The following CMSS1 variants were observed in gnomAD, a reference collection of about 807,000 sequenced individuals.
CMSS1 encodes cms1 ribosomal small subunit homolog.
In CMSS1, 33 loss-of-function variants were observed where a neutral mutation model predicts 43.5. That is an observed-to-expected ratio of 0.76 (90% CI 0.57 to 1.01). The LOEUF (loss-of-function observed/expected upper bound fraction) is 1.01, where lower values mean the gene tolerates loss of function less well. Among genes scored for constraint, CMSS1 ranks in the 50% least tolerant of loss-of-function variants. The probability of loss-of-function intolerance (pLI) is 0.00; values close to 1 mark genes in which losing one functional copy is unlikely to be tolerated. For synonymous variants in CMSS1, 115 were observed against 117.2 expected, an observed-to-expected ratio of 0.98 and a Z score of 0.12; for missense variants, 313 against 326.4, an observed-to-expected ratio of 0.96 and a Z score of 0.32.
intron 1 of CMSS1, among the ~76,000 whole-genome samples, chr3:100,092,173 T>G (rs1038524327): frequency 2.0e-5 from 3 of 152,240 alleles, no homozygotes; most frequent in Non-Finnish European, 4.4e-5. Context: ...TTATCATGGC[T>G]TTCAAAGTTT....
chr3:100,005,059 G>A (rs1029652357), intron 1 of CMSS1, among the ~76,000 whole-genome samples: 6 of 152,172 alleles, frequency 3.9e-5, no homozygotes, highest in South Asian at 4.1e-4. Context: ...GCAGCAGGAC[G>A]TAACCAGAAA....
At chr3:100,149,777 A>T (rs2066887707) in intron 2 of CMSS1, among the ~76,000 whole-genome samples, 1 of 152,004 alleles carries the variant, frequency 6.6e-6, no homozygotes, top group Admixed American at 6.5e-5. Flanking sequence ...CTTAATTGGC[A>T]CTCATTATTT....
intron 1 of CMSS1, among the ~76,000 whole-genome samples, chr3:100,024,136 T>C (rs2064876635): frequency 6.6e-6 from 1 of 152,174 alleles, no homozygotes; most frequent in Non-Finnish European, 1.5e-5. Context: ...GAAAGGTCTT[T>C]CAGTGTCATG....
chr3:100,119,590 G>C (rs1321130781), intron 1 of CMSS1, among the ~76,000 whole-genome samples: 2 of 152,210 alleles, frequency 1.3e-5, no homozygotes, highest in African/African-American at 4.8e-5. Flanking sequence ...TAGAATTGAT[G>C]CATCTTTGAA....
chr3:100,144,333 C>T (rs1016377337), intron 1 of CMSS1, among the ~76,000 whole-genome samples: 10 of 152,316 alleles, frequency 6.6e-5, no homozygotes, highest in Non-Finnish European at 1.0e-4. Flanking sequence ...TAACTGTCCA[C>T]TAGGCTTCCT....
chr3:100,081,539 C>G (rs1322715267), intron 1 of CMSS1, among the ~76,000 whole-genome samples: 1 of 152,144 alleles, frequency 6.6e-6, no homozygotes, highest in Non-Finnish European at 1.5e-5. Context: ...GGATTAACGA[C>G]TCATGAAGAT....
intron 1 of CMSS1, among the ~76,000 whole-genome samples, chr3:99,852,484 T>C (rs1406526047): frequency 6.6e-6 from 1 of 152,180 alleles, no homozygotes; most frequent in Non-Finnish European, 1.5e-5. Context: ...TCTCACTCTG[T>C]CGCCAGGCTG....
At chr3:99,821,076 G>T (rs1473339345) in intron 1 of CMSS1, among the ~76,000 whole-genome samples, 1 of 152,114 alleles carries the variant, frequency 6.6e-6, no homozygotes, top group Non-Finnish European at 1.5e-5. Flanking sequence ...TCTGTTTGTT[G>T]TCTGTCTAAG....
intron 1 of CMSS1, among the ~76,000 whole-genome samples, chr3:99,818,283 T>G (rs551482912): frequency 6.6e-6 from 1 of 152,364 alleles, no homozygotes; most frequent in South Asian, 2.1e-4. Flanking sequence ...AAGCTTTCTC[T>G]TTTCCTTATT....
Position 100,119,192 on chromosome 3 carries a change from A to G in CMSS1, c.65-27781A>G, listed in dbSNP as rs1345137155. On this transcript the variant is annotated intron_variant, in intron 1 of 9. Transcript: ENST00000421999. ...GCACATGTCTGCAAGGTGTTGACAG[A>G]TATATATTGCTAATTCTAGAAAATA... Among the ~76,000 whole-genome samples, 4 of 151,888 alleles carry G rather than the reference A, an allele frequency of 2.6e-5. No individual in the cohort carries two copies. In the Admixed American group the frequency reaches 2.6e-4, roughly 10 times the overall value.
intron 1 of CMSS1, among the ~76,000 whole-genome samples, chr3:99,835,925 A>G (rs1942877946): frequency 6.6e-6 from 1 of 152,192 alleles, no homozygotes; most frequent in African/African-American, 2.4e-5. Context: ...TACAAACAGC[A>G]TGATCAAAGG....
chr3:100,120,774 G>A (rs1275287910), intron 1 of CMSS1, among the ~76,000 whole-genome samples: 3 of 151,700 alleles, frequency 2.0e-5, no homozygotes, highest in Admixed American at 6.6e-5. Flanking sequence ...CACGGGGTGG[G>A]GGTGGGGATG....
At chr3:99,819,098 A>G (rs1317016856) in intron 1 of CMSS1, among the ~76,000 whole-genome samples, 3 of 152,274 alleles carry the variant, frequency 2.0e-5, no homozygotes, top group African/African-American at 7.2e-5. Context: ...TGAAATATCC[A>G]TTAAAAATAA....
intron 1 of CMSS1, among the ~76,000 whole-genome samples, chr3:99,997,829 T>G (rs959980170): frequency 3.9e-5 from 6 of 152,204 alleles, no homozygotes; most frequent in Non-Finnish European, 8.8e-5. Flanking sequence ...ATCTGGCAAT[T>G]TAACACATAA....
At chr3:99,887,235 C>G (rs1705930635) in intron 1 of CMSS1, among the ~76,000 whole-genome samples, 1 of 151,856 alleles carries the variant, frequency 6.6e-6, no homozygotes, top group African/African-American at 2.4e-5. Context: ...CCATTGCACT[C>G]CAGTCTGGGC....
intron 1 of CMSS1, among the ~76,000 whole-genome samples, chr3:100,047,331 T>C (rs919926879): frequency 2.6e-5 from 4 of 152,260 alleles, no homozygotes; most frequent in Non-Finnish European, 4.4e-5. Context: ...AGCATATTTA[T>C]TGATGCTATT....
intron 1 of CMSS1, chr3:99,850,218 T>C: frequency 6.2e-7 from 1 of 1,613,356 alleles, no homozygotes; most frequent in Non-Finnish European, 8.5e-7. Context: ...AATCCTCTTT[T>C]AGAGTGAATT....
In CMSS1 at chr3:99,986,357, A is replaced by G. The variant is rs1042499712; in HGVS notation, c.65-160616A>G. On this transcript the variant is annotated intron_variant, in intron 1 of 9. Coordinates refer to ENST00000421999, the MANE Select transcript of CMSS1 (RefSeq NM_032359.4). ...CATAAAGACATATCATTGTAAAATA[A>G]AGAGAATAGTATGTGTGCTTCAGGG... 3.3e-5 allele frequency among the ~76,000 whole-genome samples: 5 copies of G among 152,224 alleles called. No individual in the cohort carries two copies. In the East Asian group the frequency reaches 9.6e-4, roughly 29 times the overall value.
chr3:100,039,643 G>A (rs1486851750), intron 1 of CMSS1: 1 of 152,044 alleles, frequency 6.6e-6, no homozygotes, highest in Non-Finnish European at 1.5e-5. Flanking sequence ...TGATATTTCA[G>A]TATATCACCA....
Sources: allele counts gnomAD v4.1 joint callset (sites outside exome capture counted in the v4.1 genomes callset), GRCh38; gene constraint gnomAD v4.1.1; transcripts MANE v1.5; gene names NCBI Gene and HGNC (gene_info 2026-07-23, HGNC 2026-07-21).